The following OR2AJ1 variants were observed in gnomAD, a reference collection of about 807,000 sequenced individuals.
The protein encoded by OR2AJ1 is olfactory receptor 2AJ1.
For missense variants in OR2AJ1, 280 were observed against 163.2 expected, an observed-to-expected ratio of 1.72 and a Z score of -3.90; for synonymous variants, 105 against 60.3, an observed-to-expected ratio of 1.74 and a Z score of -3.44.
chr1:247,929,604 G>C (rs964535091), intron 1 of OR2AJ1, among the ~76,000 whole-genome samples: 86 of 139,528 alleles, frequency 6.2e-4, no homozygotes, highest in African/African-American at 1.1e-3. Context: ...CACTCGGTGT[G>C]TGTGTGTGTG....
chr1:247,927,582 A>T (rs1325812183), intron 1 of OR2AJ1, among the ~76,000 whole-genome samples: 1 of 152,008 alleles, frequency 6.6e-6, no homozygotes, highest in East Asian at 1.9e-4. Context: ...ATCATTAACG[A>T]TAATCATCCT....
At position 247,934,405 on chromosome 1, in the gene OR2AJ1, T is replaced by C. The variant is rs1257071733; in HGVS notation, c.637T>C (p.Leu213=). Residue 213 remains leucine (L), a synonymous_variant, in exon 2 of 2, where the codon TTG becomes CTG. Coordinates refer to ENST00000318244, the MANE Select transcript of OR2AJ1 (RefSeq NM_001355235.2). The part of the protein sequence containing the change: ...AVIFLLIPFS[L]ISASYGQIIL... ...GATCTTCCTGCTGATCCCTTTCTCC[T>C]TGATCTCTGCTTCTTATGGCCAAAT... is the stretch of plus-strand genomic sequence containing the variant. 1.4e-6 allele frequency: 1 copy of C among 718,052 alleles called. No homozygotes were observed. Among genetic ancestry groups the C allele is most frequent in the East Asian group, 2.7e-5 (1 of 37,318 alleles). 44.5% of individuals were successfully genotyped at this position (718,052 alleles called of 1,614,324 possible).
At chr1:247,931,178 G>A (rs1470570773) in intron 1 of OR2AJ1, among the ~76,000 whole-genome samples, 3 of 152,170 alleles carry the variant, frequency 2.0e-5, no homozygotes, top group African/African-American at 7.2e-5. Flanking sequence ...AAAAGACATG[G>A]ATGTAGAGTG....
intron 1 of OR2AJ1, among the ~76,000 whole-genome samples, chr1:247,927,209 C>T (rs562986489): frequency 5.3e-5 from 8 of 152,242 alleles, no homozygotes; most frequent in African/African-American, 1.9e-4. Context: ...AGACATTTCC[C>T]TAATTTCTAG....
chr1:247,929,980 A>G (rs1305415713), intron 1 of OR2AJ1, among the ~76,000 whole-genome samples: 2 of 152,200 alleles, frequency 1.3e-5, no homozygotes, highest in African/African-American at 4.8e-5. Context: ...GTAATAGTTA[A>G]ATTTCATCCA....
chr1:247,926,563 G>A (rs573363601), intron 1 of OR2AJ1, among the ~76,000 whole-genome samples: 20 of 152,282 alleles, frequency 1.3e-4, no homozygotes, highest in Non-Finnish European at 2.5e-4. Context: ...AGGGGAAATT[G>A]GAGATTGTAC....
Position 247,934,361 on chromosome 1 carries a change from G to T in OR2AJ1, c.593G>T (p.Gly198Val). The T allele has an allele frequency of 1.4e-6, 1 of 724,254 alleles. No homozygotes were observed. Among genetic ancestry groups the T allele is most frequent in the East Asian group, 2.6e-5 (1 of 37,844 alleles). The allele number at this position is 724,254 out of a possible 1,614,324, so 44.9% of individuals were successfully genotyped here. Residue 198 changes from glycine (G) to valine (V), a missense_variant, in exon 2 of 2, where the codon GGG (glycine) becomes GTG (valine). Coordinates refer to ENST00000318244, the MANE Select transcript of OR2AJ1 (RefSeq NM_001355235.2). ...SCADTTRYERGVCVSAVIFLL... is the reference protein window; with the variant it reads ...SCADTTRYERVVCVSAVIFLL... ...GCAGACACAACACGCTATGAACGAG[G>T]GGTTTGTGTAAGTGCTGTGATCTTC...
At chr1:247,926,824 C>T (rs112976829) in intron 1 of OR2AJ1, among the ~76,000 whole-genome samples, 2,435 of 152,272 alleles carry the variant, frequency 0.016, 58 homozygotes, top group African/African-American at 0.055. Context: ...AATGTGGCTA[C>T]ACTGAGAATG....
intron 1 of OR2AJ1, among the ~76,000 whole-genome samples, chr1:247,928,018 C>T (rs1660111884): frequency 6.6e-6 from 1 of 152,166 alleles, no homozygotes; most frequent in Admixed American, 6.5e-5. Context: ...AGGCTAATTT[C>T]CTTTCCTTTG....
chr1:247,933,958 A>G lies in OR2AJ1; in HGVS notation c.190A>G (p.Ser64Gly), dbSNP rs767749439. Reference sequence around the variant, plus strand: ...CCACACTCCAATGTATTTTCTGCTCAGCCATCTCTCCTTAATGGATATCTT... The same window carrying G: ...CCACACTCCAATGTATTTTCTGCTCGGCCATCTCTCCTTAATGGATATCTT... ...RLHTPMYFLL[S>G]HLSLMDILHV... Residue 64 changes from serine (S) to glycine (G), a missense_variant, in exon 2 of 2, where the codon AGC (serine) becomes GGC (glycine). Transcript: ENST00000318244. 1.4e-5 allele frequency: 10 copies of G among 717,638 alleles called. No individual in the cohort carries two copies. The highest frequency in any genetic ancestry group is 1.3e-4 in the South Asian group (9 of 67,602). The allele number at this position is 717,638 out of a possible 1,614,324, so 44.5% of individuals were successfully genotyped here.
intron 1 of OR2AJ1, among the ~76,000 whole-genome samples, chr1:247,931,594 C>T (rs1660153380): frequency 6.6e-6 from 1 of 152,038 alleles, no homozygotes; most frequent in Non-Finnish European, 1.5e-5. Context: ...CTTCCAATTT[C>T]TGAAGAAAAA....
chr1:247,930,950 A>G (rs1348458006), intron 1 of OR2AJ1, among the ~76,000 whole-genome samples: 1 of 152,148 alleles, frequency 6.6e-6, no homozygotes, highest in Non-Finnish European at 1.5e-5. Context: ...TGGCTCTTTT[A>G]TGCTCAGTTT....
rs143680513 is a variant in OR2AJ1, at chr1:247,927,833, A to G, written c.-23+2665A>G. On this transcript the variant is annotated intron_variant, in intron 1 of 1. Transcript: ENST00000318244. Reference sequence around the variant, plus strand: ...AACATAATGTCATCCAGGCTCATCCATGTTGCCACCAACTACAAGATTTTA... The same window carrying G: ...AACATAATGTCATCCAGGCTCATCCGTGTTGCCACCAACTACAAGATTTTA... Among the ~76,000 whole-genome samples, 651 of 152,296 alleles carry G rather than the reference A, an allele frequency of 4.3e-3. 3 individuals carry two copies. Among genetic ancestry groups the G allele is most frequent in the Non-Finnish European group, 6.7e-3 (457 of 68,018 alleles).
At chr1:247,931,828 AATC>A (rs1176507613) in intron 1 of OR2AJ1, among the ~76,000 whole-genome samples, 2 of 152,248 alleles carry the variant, frequency 1.3e-5, no homozygotes, top group Non-Finnish European at 2.9e-5. Context: ...TAATAAAGTA[AATC>A]ATTGATTAAA....
intron 1 of OR2AJ1, among the ~76,000 whole-genome samples, chr1:247,929,532 T>C (rs905378076): frequency 6.6e-6 from 1 of 151,730 alleles, no homozygotes; most frequent in African/African-American, 2.4e-5. Flanking sequence ...ATAGTAATAA[T>C]AGTAGTAGCA....
At chr1:247,932,964 G>T (rs1177098742) in intron 1 of OR2AJ1, among the ~76,000 whole-genome samples, 1 of 152,122 alleles carries the variant, frequency 6.6e-6, no homozygotes, top group African/African-American at 2.4e-5. Context: ...ACACATTGTT[G>T]ATGTTGACTA....
chr1:247,927,329 A>T (rs999208304), intron 1 of OR2AJ1, among the ~76,000 whole-genome samples: 1 of 152,210 alleles, frequency 6.6e-6, no homozygotes, highest in African/African-American at 2.4e-5. Context: ...ATCATCAGTA[A>T]CAGAGACCTG....
chr1:247,931,139 T>A (rs1425985861), intron 1 of OR2AJ1, among the ~76,000 whole-genome samples: 1 of 152,174 alleles, frequency 6.6e-6, no homozygotes, highest in Non-Finnish European at 1.5e-5. Context: ...GAGGAGAGCA[T>A]GTTCTCTGAT....
chr1:247,928,823 G>A (rs1018537935), intron 1 of OR2AJ1, among the ~76,000 whole-genome samples: 1 of 152,056 alleles, frequency 6.6e-6, no homozygotes, highest in African/African-American at 2.4e-5. Context: ...GGCCGGGCGC[G>A]GTGCCTCACG....
Sources: allele counts gnomAD v4.1 joint callset (sites outside exome capture counted in the v4.1 genomes callset), GRCh38; gene constraint gnomAD v4.1.1; transcripts MANE v1.5; gene names NCBI Gene and HGNC (gene_info 2026-07-23, HGNC 2026-07-21).